GTSF1: variants seen among roughly 807,000 people sequenced by gnomAD.
GTSF1 encodes the protein gametocyte-specific factor 1.
GTSF1 carries 11 observed loss-of-function variants against 28.9 expected under a neutral mutation model. The observed-to-expected ratio is 0.38, with a 90% CI of 0.24 to 0.63. The LOEUF (loss-of-function observed/expected upper bound fraction) is 0.63. GTSF1 is among the 30% of genes least tolerant of loss of function. The probability of loss-of-function intolerance (pLI) is 0.56; values close to 1 mark genes in which losing one functional copy is unlikely to be tolerated. For missense variants in GTSF1, 146 were observed against 201.0 expected (o/e 0.73, Z 1.66); for synonymous variants, 69 against 65.6 (o/e 1.05, Z -0.25).
chr12:54,463,540 G>A (rs1281067146), intron 3 of GTSF1, among the ~76,000 whole-genome samples: 1 of 152,176 alleles, frequency 6.6e-6, no homozygotes, highest in Non-Finnish European at 1.5e-5. Flanking sequence ...TGACAACACA[G>A]ATATTGTTAG....
chr12:54,459,115 T>G lies in GTSF1; in HGVS notation c.498A>C (p.Ala166=), dbSNP rs747040222. The G allele has an allele frequency of 3.1e-6, 5 of 1,605,444 alleles. No individual in the cohort carries two copies. Among genetic ancestry groups the G allele is most frequent in the Non-Finnish European group, 4.3e-6 (5 of 1,173,944 alleles). ...TGATGAGATAGGTATTCAGTTACTG[T>G]GCATTTCCATCTACAAGTAGAAATA... ...YVLPWKNNGN[A]Q is the part of the protein sequence containing the mutation. Residue 166 remains alanine, a synonymous_variant, in exon 8 of 9, where the codon GCA becomes GCC. Transcript: ENST00000305879.
chr12:54,458,532 C>T (rs369135834), intron 8 of GTSF1, among the ~76,000 whole-genome samples: 22 of 152,136 alleles, frequency 1.4e-4, no homozygotes, highest in African/African-American at 4.6e-4. Context: ...CCACCACGCC[C>T]GGCTAATTTT....
intron 2 of GTSF1, among the ~76,000 whole-genome samples, chr12:54,465,642 G>C (rs1956500883): frequency 6.6e-6 from 1 of 151,864 alleles, no homozygotes; most frequent in African/African-American, 2.4e-5. Context: ...AGGCAAGTTG[G>C]GGGTAGTAAT....
intron 2 of GTSF1, among the ~76,000 whole-genome samples, chr12:54,467,760 T>A (rs1359798555): frequency 6.6e-6 from 1 of 152,092 alleles, no homozygotes; most frequent in Non-Finnish European, 1.5e-5. Flanking sequence ...TTAATGGACA[T>A]TTACATTGTT....
intron 6 of GTSF1, 148 bp from the exon 7 acceptor site, chr12:54,460,619 C>G (rs992130287): frequency 6.5e-6 from 4 of 619,590 alleles, no homozygotes; most frequent in African/African-American, 5.5e-5. Context: ...TCAAAACGTT[C>G]CGGCAATTAG....
chr12:54,458,257 G>A (rs1248179277), intron 8 of GTSF1, among the ~76,000 whole-genome samples: 1 of 152,224 alleles, frequency 6.6e-6, no homozygotes, highest in South Asian at 2.1e-4. Context: ...CTTCATCTGT[G>A]AAAAGTGAGA....
At chr12:54,459,503 A>G (rs1314480137) in intron 7 of GTSF1, 7 of 1,220,904 alleles carry the variant, frequency 5.7e-6, no homozygotes, top group Non-Finnish European at 5.3e-6. Context: ...AAATGACAGT[A>G]TCTTGGGTGT....
At chr12:54,465,220 C>A in intron 2 of GTSF1, 53 bp from the exon 3 acceptor site, 3 of 1,180,640 alleles carry the variant, frequency 2.5e-6, no homozygotes, top group African/African-American at 3.0e-5. Flanking sequence ...CCTTGTAAAA[C>A]TACAGCATTC....
Position 54,463,191 on chromosome 12 carries a change from C to A in GTSF1, c.224G>T (p.Ser75Ile), listed in dbSNP as rs747330027. Residue 75 changes from serine (S) to isoleucine (I), a missense_variant, in exon 4 of 9, where the codon AGT becomes ATT. Physicochemically the swap from Ser to Ile is moderately radical, Grantham distance 142. Coordinates refer to ENST00000305879, the MANE Select transcript of GTSF1 (RefSeq NM_144594.3). The stretch of plus-strand genomic sequence containing the variant: ...CTTACCAACATCTTGCTCAATACAA[C>A]TTCTGTCATCACAGCTTGAGATATG... The part of the protein sequence containing the change: ...SHHISSCDDR[S>I]CIEQDVVNQT... The A allele has an allele frequency of 2.4e-5, 38 of 1,613,806 alleles. No individual in the cohort carries two copies. The highest frequency in any genetic ancestry group is 3.0e-5 in the Non-Finnish European group (35 of 1,179,860).
At chr12:54,473,201 G>A (rs907043542) in intron 1 of GTSF1, among the ~76,000 whole-genome samples, 5 of 151,866 alleles carry the variant, frequency 3.3e-5, no homozygotes, top group African/African-American at 1.2e-4. Context: ...TGTAGTCGGC[G>A]GCTACTGGTT....
chr12:54,469,517 A>G (rs1956567858), intron 2 of GTSF1, among the ~76,000 whole-genome samples: 1 of 151,068 alleles, frequency 6.6e-6, no homozygotes, highest in African/African-American at 2.4e-5. Context: ...GCGAAACCCC[A>G]TCTCTACTAA....
At chr12:54,469,085 TTTTAA>T (rs1264335854) in intron 2 of GTSF1, 1 of 152,270 alleles carries the variant, frequency 6.6e-6, no homozygotes, top group African/African-American at 2.4e-5. Context: ...TTCTTTTTTC[TTTTAA>T]TTTTTTTGAG....
At chr12:54,468,982 C>T (rs1956559219) in intron 2 of GTSF1, 2 of 152,118 alleles carry the variant, frequency 1.3e-5, no homozygotes, top group African/African-American at 4.8e-5. Flanking sequence ...AAGTAAGAGA[C>T]AGAAAGGGGA....
At chr12:54,470,267 C>T (rs1241685338) in intron 2 of GTSF1, among the ~76,000 whole-genome samples, 1 of 152,204 alleles carries the variant, frequency 6.6e-6, no homozygotes, top group Non-Finnish European at 1.5e-5. Context: ...ACCCTGGTAA[C>T]TTGTTAGAAA....
At chr12:54,459,286 G>A in intron 7 of GTSF1, 161 bp from the exon 8 acceptor site, 1 of 1,436,576 alleles carries the variant, frequency 7.0e-7, no homozygotes, top group Non-Finnish European at 9.1e-7. Flanking sequence ...TCAAGAGCAT[G>A]GGAAAAGAAA....
chr12:54,456,790 A>G (rs1345836210), intron 8 of GTSF1, among the ~76,000 whole-genome samples: 1 of 152,188 alleles, frequency 6.6e-6, no homozygotes, highest in Non-Finnish European at 1.5e-5. Context: ...CAGGCATTGA[A>G]AATAATACTT....
At chr12:54,458,890 G>A (rs1288983376) in intron 8 of GTSF1, among the ~76,000 whole-genome samples, 199 bp downstream of exon 8, 2 of 150,910 alleles carry the variant, frequency 1.3e-5, no homozygotes, top group African/African-American at 4.9e-5. Context: ...CATGTTAACA[G>A]AATTCTAATT....
At chr12:54,462,818 C>T in intron 4 of GTSF1, 93 bp from the exon 5 acceptor site, 1 of 928,540 alleles carries the variant, frequency 1.1e-6, no homozygotes, top group Non-Finnish European at 1.7e-6. Flanking sequence ...CAAGGGTAGC[C>T]TGTTGGGTCT....
intron 8 of GTSF1, 84 bp downstream of exon 8, chr12:54,459,005 A>G (rs1186833716): frequency 4.4e-6 from 4 of 914,442 alleles, no homozygotes; most frequent in Admixed American, 2.3e-5. Context: ...ATAATCTGAA[A>G]GAAAATTGGA....
Sources: gnomAD v4.1 joint callset for allele counts (sites outside exome capture counted in the v4.1 genomes callset) on GRCh38, gnomAD v4.1.1 for gene constraint, MANE v1.5 for transcripts, NCBI Gene and HGNC (gene_info 2026-07-23, HGNC 2026-07-21) for gene names.